Variants in CA10 observed in about 807,000 individuals in gnomAD.
CA10 encodes carbonic anhydrase-related protein 10.
A neutral mutation model predicts 44.2 loss-of-function variants in CA10; 14 were observed. The ratio of observed to expected loss-of-function variants is 0.32; its 90% CI spans 0.21 to 0.50. The LOEUF (loss-of-function observed/expected upper bound fraction) is 0.50, where lower values mean the gene tolerates loss of function less well. Among genes scored for constraint, CA10 ranks in the 20% least tolerant of loss-of-function variants. The pLI is 0.99. For missense variants in CA10, 350 were observed against 409.7 expected (o/e 0.85, Z 1.26); for synonymous variants, 159 against 141.6 (o/e 1.12, Z -0.87).
intron 1 of CA10, among the ~76,000 whole-genome samples, chr17:52,144,638 CT>C (rs1989546085): frequency 6.6e-6 from 1 of 152,200 alleles, no homozygotes; most frequent in Non-Finnish European, 1.5e-5. Flanking sequence ...CTAGTTTCCC[CT>C]AGTGAATCAG....
In CA10 at chr17:52,121,294, T is replaced by C. The variant is rs2143317103; in HGVS notation, c.61+36432A>G. On this transcript the variant is annotated intron_variant, in intron 1 of 8. Transcript: ENST00000451037. ...TCTCTGGTTAGTTGGTTTGACAAAA[T>C]GAGAAGACGAGGGTGACATTCAGAA... Among the ~76,000 whole-genome samples, 4 of 152,206 alleles carry C rather than the reference T, an allele frequency of 2.6e-5. No individual in the cohort carries two copies. In the Middle Eastern group the frequency reaches 0.01, roughly 388 times the overall value.
intron 4 of CA10, among the ~76,000 whole-genome samples, chr17:51,692,640 A>G (rs758558891): frequency 9.2e-5 from 14 of 152,182 alleles, no homozygotes; most frequent in Non-Finnish European, 2.1e-4. Flanking sequence ...CTGTTTATCA[A>G]TGAATAGTAT....
At chr17:51,980,830 G>C (rs904551849) in intron 2 of CA10, among the ~76,000 whole-genome samples, 5 of 151,958 alleles carry the variant, frequency 3.3e-5, no homozygotes, top group African/African-American at 1.2e-4. Context: ...ATAGTTGTAG[G>C]TGTGCAGCAT....
intron 1 of CA10, among the ~76,000 whole-genome samples, chr17:52,081,666 G>A (rs541629447): frequency 6.6e-6 from 1 of 152,054 alleles, no homozygotes; most frequent in Admixed American, 6.6e-5. Context: ...CGGGCGTAGT[G>A]GTGGGCGCCT....
At chr17:51,858,200 G>A (rs1979139350) in intron 3 of CA10, among the ~76,000 whole-genome samples, 1 of 152,106 alleles carries the variant, frequency 6.6e-6, no homozygotes, top group African/African-American at 2.4e-5. Flanking sequence ...TTTCTTTGGA[G>A]AAGATTAAAA....
intron 1 of CA10, among the ~76,000 whole-genome samples, chr17:52,105,432 T>C (rs1388382863): frequency 6.6e-6 from 1 of 151,974 alleles, no homozygotes; most frequent in East Asian, 1.9e-4. Flanking sequence ...TTTTTTGTAT[T>C]TTTTAGTAGA....
chr17:51,736,582 A>T lies in CA10; in HGVS notation c.465+11051T>A, dbSNP rs1916921110. Among the ~76,000 whole-genome samples the T allele has an allele frequency of 2.0e-5, 3 of 152,306 alleles. No individual in the cohort carries two copies. The South Asian group carries it at 6.2e-4, about 32-fold the overall frequency. On this transcript the variant is annotated intron_variant, in intron 4 of 8. Coordinates refer to ENST00000451037, the MANE Select transcript of CA10 (RefSeq NM_020178.5). ...CATTTTGCCAAATAGCTCCTGCAGG[A>T]TTCATTTCCAAGGCTGAGTCCAGAA...
At chr17:52,068,974 C>T (rs74837910) in intron 2 of CA10, among the ~76,000 whole-genome samples, 8 of 152,152 alleles carry the variant, frequency 5.3e-5, no homozygotes, top group African/African-American at 1.4e-4. Context: ...CAGCGTAAGC[C>T]GATAGGCAGG....
In CA10 at chr17:51,850,377, A is replaced by G. The variant is rs575697687; in HGVS notation, c.279+80613T>C. On this transcript the variant is annotated intron_variant, in intron 3 of 8. Transcript: ENST00000451037. ...ATCCACCGAACTTACAAAGCAGCAA[A>G]CAAGTACACTCGCCACCTAGAGGAA... 1.1e-4 allele frequency among the ~76,000 whole-genome samples: 17 copies of G among 152,302 alleles called. No individual in the cohort carries two copies. In the South Asian group the frequency reaches 3.5e-3, roughly 32 times the overall value.
intron 3 of CA10, among the ~76,000 whole-genome samples, chr17:51,891,569 T>C (rs1295040634): frequency 1.3e-5 from 2 of 152,344 alleles, no homozygotes; most frequent in African/African-American, 4.8e-5. Context: ...GGGTTTACGT[T>C]TTACTTGGAA....
At chr17:51,871,046 TTTAC>T (rs1979781777) in intron 3 of CA10, among the ~76,000 whole-genome samples, 1 of 144,418 alleles carries the variant, frequency 6.9e-6, no homozygotes, top group African/African-American at 2.6e-5. Flanking sequence ...TTCTTCCCAC[TTTAC>T]TTTTTTTTTT....
At chr17:51,890,056 G>T (rs1014342019) in intron 3 of CA10, among the ~76,000 whole-genome samples, 1 of 152,108 alleles carries the variant, frequency 6.6e-6, no homozygotes, top group Non-Finnish European at 1.5e-5. Flanking sequence ...GAAGAAAAGG[G>T]GGTAGCAACA....
chr17:51,724,359 T>C (rs542717740), intron 4 of CA10, among the ~76,000 whole-genome samples: 1 of 152,318 alleles, frequency 6.6e-6, no homozygotes, highest in African/African-American at 2.4e-5. Context: ...GAGGGTCTAG[T>C]TGGGATATGC....
rs1410593865 is a variant in CA10 at position 51,969,770 on chromosome 17, GT to G, written c.137-38639del. On this transcript the variant is annotated intron_variant, in intron 2 of 8. Transcript: ENST00000451037. ...AAGAAATAAACCATAAGAAACTTTT[GT>G]GGGGATCTTATGAGTAGGAAATAAG... Among the ~76,000 whole-genome samples, 5 of 151,928 alleles carry G rather than the reference GT, an allele frequency of 3.3e-5. No individual in the cohort carries two copies. The East Asian group carries it at 9.7e-4, about 29-fold the overall frequency.
intron 4 of CA10, among the ~76,000 whole-genome samples, chr17:51,745,361 A>G (rs943985864): frequency 6.6e-6 from 1 of 152,134 alleles, no homozygotes; most frequent in African/African-American, 2.4e-5. Flanking sequence ...AGAGGAAAAT[A>G]TTTTGACAAG....
intron 1 of CA10, among the ~76,000 whole-genome samples, chr17:52,108,226 A>G (rs1988710902): frequency 7.1e-6 from 1 of 140,518 alleles, no homozygotes; most frequent in Admixed American, 7.1e-5. Flanking sequence ...ATATATATAT[A>G]ATATGTATAT....
At chr17:51,980,522 A>G (rs1291507044) in intron 2 of CA10, among the ~76,000 whole-genome samples, 2 of 152,088 alleles carry the variant, frequency 1.3e-5, no homozygotes, top group Non-Finnish European at 2.9e-5. Flanking sequence ...CTTAAGTTTA[A>G]TTAGATCCCA....
intron 3 of CA10, among the ~76,000 whole-genome samples, chr17:51,930,430 G>A (rs1272031502): frequency 7.2e-5 from 11 of 152,116 alleles, no homozygotes; most frequent in Non-Finnish European, 1.5e-5. Context: ...GGGGAGGAGA[G>A]TGAAGGAGGG....
chr17:52,064,698 G>A (rs989626720), intron 2 of CA10, among the ~76,000 whole-genome samples: 2 of 152,092 alleles, frequency 1.3e-5, no homozygotes, highest in Non-Finnish European at 2.9e-5. Context: ...GAAAAGGATG[G>A]AAAATAGCAA....
Sources: gnomAD v4.1 joint callset for allele counts (sites outside exome capture counted in the v4.1 genomes callset) on GRCh38, gnomAD v4.1.1 for gene constraint, MANE v1.5 for transcripts, NCBI Gene and HGNC (gene_info 2026-07-23, HGNC 2026-07-21) for gene names.